Variants in GOLGB1 observed in about 807,000 individuals in gnomAD.
GOLGB1 encodes the protein golgin subfamily B member 1.
Under a neutral mutation model 336.9 loss-of-function variants are expected in GOLGB1, and 174 were observed. That is an observed-to-expected ratio of 0.52 (90% confidence interval 0.46 to 0.59). GOLGB1 has a LOEUF of 0.59. GOLGB1 is among the 20% of genes least tolerant of loss of function. GOLGB1 has a pLI of 0.00. For missense variants in GOLGB1, 3,331 were observed against 3,645.3 expected (o/e 0.91, Z 2.22); for synonymous variants, 1,208 against 1,289.2 (o/e 0.94, Z 1.35).
intron 10 of GOLGB1, among the ~76,000 whole-genome samples, chr3:121,709,960 G>A (rs1007153570): frequency 1.2e-4 from 18 of 151,496 alleles, no homozygotes; most frequent in African/African-American, 2.7e-4. Context: ...AGGGATCAGC[G>A]CTTACAGGCA....
chr3:121,725,047 T>A (rs942389983), intron 5 of GOLGB1, among the ~76,000 whole-genome samples: 10 of 152,086 alleles, frequency 6.6e-5, no homozygotes, highest in Non-Finnish European at 1.3e-4. Flanking sequence ...AAGGATGTCA[T>A]CAATAGCCAG....
rs1484416286 is a variant in GOLGB1, at chr3:121,729,849, A to C, written c.249+16T>G. The C allele has an allele frequency of 6.3e-7, 1 of 1,588,616 alleles. No individual in the cohort carries two copies. Among genetic ancestry groups the C allele is most frequent in the Non-Finnish European group, 8.6e-7 (1 of 1,162,554 alleles). On this transcript the variant is annotated intron_variant, in intron 3 of 21. Transcript: ENST00000614479. The stretch of plus-strand genomic sequence containing the variant: ...TTTATCAAATGCTCCACAAGAAAGG[A>C]TAAAAACAATAGTACCTGTAGAGCT...
chr3:121,700,342 T>C (rs1326089384), intron 11 of GOLGB1, among the ~76,000 whole-genome samples: 2 of 152,190 alleles, frequency 1.3e-5, no homozygotes, highest in Middle Eastern at 3.4e-3. Flanking sequence ...TCAATGATCA[T>C]ATAAGGAAAC....
At position 121,692,115 on chromosome 3, in the gene GOLGB1, C is replaced by T; in HGVS notation, c.7249G>A (p.Glu2417Lys). 6.2e-7 allele frequency: 1 copy of T among 1,613,486 alleles called. No individual in the cohort carries two copies. The highest frequency in any genetic ancestry group is 8.5e-7 in the Non-Finnish European group (1 of 1,179,712). The change falls in exon 14 of 22, where the codon GAG (glutamate) becomes AAG (lysine). Residue 2417 changes from glutamate to lysine, a missense_variant. By Grantham distance (56) the Glu-to-Lys change is moderately conservative. Transcript: ENST00000614479. ...LRQQHDKEIK[E>K]LENLLSQEEE... ...TCCTGGGACAGCAGGTTTTCCAGCT[C>T]TTTAATTTCTTTATCATGTTGCTGA...
At chr3:121,730,052 G>A in intron 2 of GOLGB1, 35 bp from the exon 3 acceptor site, 1 of 1,522,840 alleles carries the variant, frequency 6.6e-7, no homozygotes, top group East Asian at 2.3e-5. Context: ...AGTGCACCAG[G>A]AAAAGGTATT....
chr3:121,749,279 G>A (rs1372267513), intron 1 of GOLGB1: 1 of 152,418 alleles, frequency 6.6e-6, no homozygotes, highest in African/African-American at 2.4e-5. Flanking sequence ...GGCCGACTTA[G>A]GCAGGCCGCT....
chr3:121,734,570 A>G (rs1212784727), intron 1 of GOLGB1, among the ~76,000 whole-genome samples: 2 of 152,224 alleles, frequency 1.3e-5, no homozygotes, highest in Non-Finnish European at 1.5e-5. Flanking sequence ...ACTTCACCAA[A>G]GAAGATAGAT....
chr3:121,720,238 A>G (rs1476698587), intron 6 of GOLGB1, among the ~76,000 whole-genome samples: 2 of 152,242 alleles, frequency 1.3e-5, no homozygotes, highest in Non-Finnish European at 2.9e-5. Flanking sequence ...AACTGGAAAT[A>G]CCAATCTATC....
Position 121,691,622 on chromosome 3 carries a change from A to G in GOLGB1, c.7742T>C (p.Leu2581Pro). 6.2e-7 allele frequency: 1 copy of G among 1,613,554 alleles called. No individual in the cohort carries two copies. The highest frequency in any genetic ancestry group is 8.5e-7 in the Non-Finnish European group (1 of 1,179,806). ...ENKYAKLEEK[L>P]KESEEANEDL... ...CTCATTTGCTTCCTCAGATTCCTTC[A>G]GCTTTTCTTCTAATTTAGCATATTT... The change falls in exon 14 of 22, where the codon CTG becomes CCG. Residue 2581 changes from leucine (L) to proline (P), a missense_variant. Physicochemically the swap from Leu to Pro is moderately conservative, Grantham distance 98. Transcript: ENST00000614479.
Position 121,664,940 on chromosome 3 carries a change from T to C in GOLGB1, c.9646A>G (p.Asn3216Asp). 1.3e-6 allele frequency: 2 copies of C among 1,592,926 alleles called. No individual in the cohort carries two copies. The highest frequency in any genetic ancestry group is 2.2e-5 in the South Asian group (2 of 90,590). Residue 3216 changes from asparagine (N) to aspartate (D), a missense_variant, in exon 21 of 22, where the codon AAC becomes GAC. Transcript: ENST00000614479. ...CTTCCTCTTACCCTTCGACAACTGT[T>C]GCTTGTAAGATCTATTAACAGTGCC... ...EQALLIDLTS[N>D]SCRRTRSGVG...
chr3:121,745,775 C>A (rs1947244396), intron 1 of GOLGB1, among the ~76,000 whole-genome samples: 1 of 152,114 alleles, frequency 6.6e-6, no homozygotes, highest in African/African-American at 2.4e-5. Context: ...GCAAATAAAA[C>A]AATTCCTCAG....
intron 14 of GOLGB1, among the ~76,000 whole-genome samples, chr3:121,688,494 G>A (rs1285585138): frequency 6.6e-6 from 1 of 152,250 alleles, no homozygotes; most frequent in Non-Finnish European, 1.5e-5. Flanking sequence ...AGTGCTCAAT[G>A]GTGCCCAGGC....
chr3:121,691,347 C>A lies in GOLGB1; in HGVS notation c.8017G>T (p.Glu2673Ter). ...LEEELVCVQKEAAKKVGEIED... is the reference protein window; with the variant it reads ...LEEELVCVQK ...ATTTCACCTACCTTCTTGGCAGCTT[C>A]CTTTTGAACACAAACCAATTCTTCT... is the stretch of plus-strand genomic sequence containing the variant. Residue 2673 changes from glutamate to a stop codon, truncating the protein, a stop_gained, in exon 14 of 22, where the codon GAA becomes TAA. Coordinates refer to ENST00000614479, the MANE Select transcript of GOLGB1 (RefSeq NM_001366282.2). LOFTEE classifies it high-confidence loss of function. The A allele has an allele frequency of 6.2e-7, 1 of 1,612,224 alleles. No individual in the cohort carries two copies. Among genetic ancestry groups the A allele is most frequent in the Non-Finnish European group, 8.5e-7 (1 of 1,179,632 alleles).
intron 14 of GOLGB1, among the ~76,000 whole-genome samples, chr3:121,689,031 C>G (rs553653603): frequency 1.3e-4 from 19 of 150,088 alleles, no homozygotes; most frequent in Non-Finnish European, 2.1e-4. Flanking sequence ...GTCAGCCCCC[C>G]GCCCAGCCAG....
At chr3:121,669,480 G>T in intron 17 of GOLGB1, 125 bp from the exon 18 acceptor site, 1 of 683,530 alleles carries the variant, frequency 1.5e-6, no homozygotes, top group Non-Finnish European at 2.4e-6. Flanking sequence ...AGCAACAATA[G>T]CACTTTGTGT....
intron 1 of GOLGB1, among the ~76,000 whole-genome samples, chr3:121,745,246 A>G (rs1947167019): frequency 1.3e-5 from 2 of 152,074 alleles, no homozygotes; most frequent in African/African-American, 4.8e-5. Context: ...AAATATTCAT[A>G]GTCATAGTCA....
In GOLGB1 at chr3:121,694,359, G is replaced by C; in HGVS notation, c.6164C>G (p.Thr2055Ser). Residue 2055 changes from threonine (T) to serine (S), a missense_variant, in exon 13 of 22, where the codon ACT (threonine) becomes AGT (serine). Transcript: ENST00000614479. ...RTVKALEFVQ[T>S]ESQKDLEITK... ...TATTTCCAAATCTTTTTGAGATTCA[G>C]TTTGAACAAATTCTAGAGCTTTAAC... The C allele has an allele frequency of 6.2e-7, 1 of 1,613,102 alleles. No homozygotes were observed. The highest frequency in any genetic ancestry group is 1.1e-5 in the South Asian group (1 of 90,924).
rs771139725 is a variant in GOLGB1, at chr3:121,698,612, A to G, written c.1911T>C (p.Leu637=). 6.2e-7 allele frequency: 1 copy of G among 1,613,786 alleles called. No homozygotes were observed. Among genetic ancestry groups the G allele is most frequent in the Admixed American group, 1.7e-5 (1 of 60,002 alleles). ...TCGCCTGTTCTTTTTCAACTGCTGG[A>G]AGACTGCTCTCTTCATTTGGCATTA... is the stretch of plus-strand genomic sequence containing the variant. ...FPLMPNEESS[L]PAVEKEQAST... The change falls in exon 13 of 22, where the codon CTT becomes CTC. Residue 637 remains leucine (L), a synonymous_variant. Coordinates refer to ENST00000614479, the MANE Select transcript of GOLGB1 (RefSeq NM_001366282.2).
intron 1 of GOLGB1, among the ~76,000 whole-genome samples, chr3:121,737,556 C>A (rs1946562413): frequency 6.6e-6 from 1 of 151,374 alleles, no homozygotes; most frequent in Admixed American, 6.6e-5. Context: ...GAGGCTGAGG[C>A]AGACGAATCA....
Sources: allele counts gnomAD v4.1 joint callset (sites outside exome capture counted in the v4.1 genomes callset), GRCh38; gene constraint gnomAD v4.1.1; transcripts MANE v1.5; gene names NCBI Gene and HGNC (gene_info 2026-07-23, HGNC 2026-07-21).